The following ABCB10 variants were observed in gnomAD, a reference collection of about 807,000 sequenced individuals.
ABCB10 encodes ATP binding cassette subfamily B member 10.
Under a neutral mutation model 65.4 loss-of-function variants are expected in ABCB10, and 54 were observed. The ratio of observed to expected loss-of-function variants is 0.83; its 90% CI spans 0.66 to 1.04. The LOEUF (loss-of-function observed/expected upper bound fraction) is 1.04. Among genes scored for constraint, ABCB10 ranks in the 50% least tolerant of loss-of-function variants. ABCB10 has a pLI of 0.00. For synonymous variants in ABCB10, 418 were observed against 406.5 expected (o/e 1.03, Z -0.34); for missense variants, 846 against 976.6 (o/e 0.87, Z 1.78).
intron 1 of ABCB10, 27 bp from the exon 2 acceptor site, chr1:229,549,461 T>C (rs1663053995): frequency 2.5e-6 from 4 of 1,596,700 alleles, no homozygotes; most frequent in Non-Finnish European, 3.4e-6. Context: ...CTCTCAATGT[T>C]CAGGTTGCTT....
At chr1:229,535,788 C>A (rs977830240) in intron 6 of ABCB10, among the ~76,000 whole-genome samples, 2 of 151,466 alleles carry the variant, frequency 1.3e-5, no homozygotes, top group Non-Finnish European at 2.9e-5. Flanking sequence ...TGCAGTGGCA[C>A]AATCCCAGCT....
intron 1 of ABCB10, among the ~76,000 whole-genome samples, chr1:229,549,679 T>C (rs1421209098): frequency 6.6e-6 from 1 of 152,218 alleles, no homozygotes; most frequent in African/African-American, 2.4e-5. Context: ...AGATGACTTC[T>C]TAGTCTGATC....
rs10916510 is a variant in ABCB10 at position 229,530,648 on chromosome 1, C to T, written c.1436-240G>A. Among the ~76,000 whole-genome samples the T allele has an allele frequency of 2.1e-3, 320 of 152,234 alleles. 2 individuals are homozygous for T. Among genetic ancestry groups the T allele is most frequent in the African/African-American group, 7.3e-3 (302 of 41,536 alleles). On this transcript the variant is annotated intron_variant, in intron 7 of 12. Transcript: ENST00000344517. ...GACGGTCTTACTTGATCCTTACAAC[C>T]CTGAGAGGTAGAAATTATAATTCCA...
chr1:229,522,228 A>G (rs760399910), intron 10 of ABCB10, among the ~76,000 whole-genome samples: 1 of 150,502 alleles, frequency 6.6e-6, no homozygotes, highest in Non-Finnish European at 1.5e-5. Flanking sequence ...AATAATTTCA[A>G]ACAAGGTCTT....
intron 4 of ABCB10, among the ~76,000 whole-genome samples, 188 bp downstream of exon 4, chr1:229,542,049 A>C (rs1241006114): frequency 6.6e-6 from 1 of 152,160 alleles, no homozygotes; most frequent in Non-Finnish European, 1.5e-5. Flanking sequence ...CTACTTTGAG[A>C]TATGGGTAGA....
rs1243905973 is a variant in ABCB10 at position 229,540,579 on chromosome 1, TTACTTTTTCCAAAGTGATC to T, written c.1203+8_1203+26del. ...CTCACCATTCTAACATTTGCCAATT[TTACTTTTTCCAAAGTGATC>T]TACTTACTGCTCCAAAGAAACCAGC... On this transcript the variant is annotated splice_region_variant and intron_variant, in intron 5 of 12. Transcript: ENST00000344517. The T allele has an allele frequency of 6.3e-7, 1 of 1,594,308 alleles. No individual in the cohort carries two copies.
In ABCB10 at chr1:229,558,135, C is replaced by T. The variant is rs1663305011; in HGVS notation, c.517+1G>A. The T allele has an allele frequency of 1.4e-6, 2 of 1,401,806 alleles. No individual in the cohort carries two copies. The highest frequency in any genetic ancestry group is 1.8e-6 in the Non-Finnish European group (2 of 1,081,162). The allele number at this position is 1,401,806 out of a possible 1,614,324, so 86.8% of individuals were successfully genotyped here. A position where few individuals can be genotyped will look rare whatever the true frequency, so the allele number is the denominator to read the frequency against. ...AGGGAAGTGGCCGGGGAGGACCCTA[C>T]CTGCCAGCCTCCGGCGCTCAGGGTA... On this transcript the variant is annotated splice_donor_variant, in intron 1 of 12. Coordinates refer to ENST00000344517, the MANE Select transcript of ABCB10 (RefSeq NM_012089.3). LOFTEE classifies it high-confidence loss of function.
At chr1:229,532,708 C>G (rs766934912) in intron 6 of ABCB10, among the ~76,000 whole-genome samples, 1 of 152,046 alleles carries the variant, frequency 6.6e-6, no homozygotes, top group Non-Finnish European at 1.5e-5. Flanking sequence ...TAGAGAGAAC[C>G]CTGTTTCTAC....
intron 6 of ABCB10, among the ~76,000 whole-genome samples, chr1:229,533,231 T>C (rs1239559260): frequency 6.6e-6 from 1 of 152,030 alleles, no homozygotes; most frequent in Non-Finnish European, 1.5e-5. Context: ...CAAGCAATTC[T>C]CCCTGCCTCA....
chr1:229,518,081 ACTTGAT>A lies in ABCB10; in HGVS notation c.*92_*97del. ...GAAAAAAATAGGTATTTTTCAAATA[ACTTGAT>A]ATATGGTTTATGTATTTCATAGTCT... is the stretch of plus-strand genomic sequence containing the variant. On this transcript the variant is annotated 3_prime_UTR_variant, in exon 13 of 13. Transcript: ENST00000344517. 1.2e-6 allele frequency: 1 copy of A among 857,328 alleles called. No individual in the cohort carries two copies. Among genetic ancestry groups the A allele is most frequent in the Non-Finnish European group, 1.8e-6 (1 of 545,392 alleles). The allele number at this position is 857,328 out of a possible 1,614,324, so 53.1% of individuals were successfully genotyped here.
At chr1:229,525,799 C>CT in intron 10 of ABCB10, 137 bp downstream of exon 10, 1 of 1,043,750 alleles carries the variant, frequency 9.6e-7, no homozygotes, top group South Asian at 1.7e-5. Context: ...GCCACTGCCA[C>CT]TGCACTCCAG....
Position 229,531,638 on chromosome 1 carries a change from T to C in ABCB10, c.1433A>G (p.Asn478Ser). The C allele has an allele frequency of 6.2e-7, 1 of 1,613,728 alleles. No homozygotes were observed. The highest frequency in any genetic ancestry group is 8.5e-7 in the Non-Finnish European group (1 of 1,179,810). Residue 478 changes from asparagine (N) to serine (S), a missense_variant and splice_region_variant, in exon 7 of 13, where the codon AAC (asparagine) becomes AGC (serine). Asn to Ser is a conservative substitution (Grantham distance 46). Around this residue, in one of 2 missense-constraint regions of ABCB10, gnomAD observed 632 missense variants for 803.2 expected, o/e 0.79. Coordinates refer to ENST00000344517, the MANE Select transcript of ABCB10 (RefSeq NM_012089.3). The part of the protein sequence containing the change: ...LLEREPKLPF[N>S]EGVILNEKSF... ...AAAGAAACAATTTTCAGACCCACCGTTAAAAGGCAGCTTGGGCTCTCTCTC... is the reference window on the plus strand; with the variant it reads ...AAAGAAACAATTTTCAGACCCACCGCTAAAAGGCAGCTTGGGCTCTCTCTC...
chr1:229,517,885 A>C lies in ABCB10; in HGVS notation c.*294T>G, dbSNP rs1662210862. On this transcript the variant is annotated 3_prime_UTR_variant, in exon 13 of 13. Transcript: ENST00000344517. ...GCTTCAATCTTTAACAGCAGGCAAA[A>C]GAAAATGAGGTGCCATGCTATATTA... The C allele has an allele frequency of 4.0e-6, 1 of 251,266 alleles. No homozygotes were observed. The highest frequency in any genetic ancestry group is 5.2e-5 in the Admixed American group (1 of 19,384). 15.6% of individuals were successfully genotyped at this position (251,266 alleles called of 1,614,324 possible).
At chr1:229,549,914 CATA>C in intron 1 of ABCB10, 2 of 164,562 alleles carry the variant, frequency 1.2e-5, no homozygotes, top group South Asian at 1.6e-4. Context: ...TGTCTACGGC[CATA>C]CACTCTGAAC....
chr1:229,545,843 T>G (rs1293169843), intron 3 of ABCB10, among the ~76,000 whole-genome samples: 3 of 152,138 alleles, frequency 2.0e-5, no homozygotes, highest in East Asian at 1.9e-4. Flanking sequence ...CTTCCTCCTC[T>G]CAGTCTACTC....
intron 9 of ABCB10, among the ~76,000 whole-genome samples, chr1:229,526,757 T>G (rs1662455045): frequency 6.6e-6 from 1 of 152,238 alleles, no homozygotes; most frequent in African/African-American, 2.4e-5. Flanking sequence ...GAAAATGGCC[T>G]TATCAAAGTG....
rs1021395441 is a variant in ABCB10 at position 229,539,689 on chromosome 1, G to A, written c.1204-98C>T. On this transcript the variant is annotated intron_variant, in intron 5 of 12. Transcript: ENST00000344517. ...TGTAATGTCCCTTTTTCATTCAACT[G>A]TCACAGCAAGATTTTTCCAAAATAT... The A allele has an allele frequency of 2.0e-5, 27 of 1,369,916 alleles. No homozygotes were observed. The African/African-American group carries it at 3.6e-4, about 18-fold the overall frequency. The allele number at this position is 1,369,916 out of a possible 1,614,324, so 84.9% of individuals were successfully genotyped here.
At chr1:229,546,678 C>T (rs993132268) in intron 3 of ABCB10, among the ~76,000 whole-genome samples, 1 of 151,908 alleles carries the variant, frequency 6.6e-6, no homozygotes, top group Non-Finnish European at 1.5e-5. Context: ...TGAGACCAGC[C>T]TGGGCAACAT....
At chr1:229,522,134 T>C (rs562538444) in intron 10 of ABCB10, among the ~76,000 whole-genome samples, 1 of 152,174 alleles carries the variant, frequency 6.6e-6, no homozygotes, top group East Asian at 1.9e-4. Flanking sequence ...GCTGGGATTA[T>C]AGGCGGGAGC....
Sources: gnomAD v4.1 joint callset for allele counts (sites outside exome capture counted in the v4.1 genomes callset) on GRCh38, gnomAD v4.1.1 for gene constraint, gnomAD v4.1.1 regional missense constraint, MANE v1.5 for transcripts, NCBI Gene and HGNC (gene_info 2026-07-23, HGNC 2026-07-21) for gene names.